Variants in NCKAP5 observed in about 807,000 individuals in gnomAD.
NCKAP5 encodes the protein NCK associated protein 5.
NCKAP5 carries 92 observed loss-of-function variants against 167.0 expected under a neutral mutation model. The observed-to-expected ratio is 0.55, with a 90% CI of 0.47 to 0.66. The LOEUF (loss-of-function observed/expected upper bound fraction) is 0.66. Among genes scored for constraint, NCKAP5 ranks in the 30% least tolerant of loss-of-function variants. The pLI is 0.00. For missense variants in NCKAP5, 2,378 were observed against 2,315.0 expected, an observed-to-expected ratio of 1.03 and a Z score of -0.56; for synonymous variants, 891 against 877.4, an observed-to-expected ratio of 1.02 and a Z score of -0.27.
intron 3 of NCKAP5, among the ~76,000 whole-genome samples, chr2:133,326,363 A>C (rs12619465): frequency 0.19 from 28,915 of 150,056 alleles, 2,839 homozygotes; most frequent in East Asian, 0.27. Flanking sequence ...CTGAGGCAGG[A>C]GAATCACATG....
chr2:133,275,592 A>G (rs1229376682), intron 4 of NCKAP5, among the ~76,000 whole-genome samples: 1 of 152,082 alleles, frequency 6.6e-6, no homozygotes. Context: ...ACAAACCAAA[A>G]TTTCTAAATT....
chr2:132,836,219 T>TA (rs1687875657), intron 11 of NCKAP5, among the ~76,000 whole-genome samples: 2 of 152,328 alleles, frequency 1.3e-5, no homozygotes, highest in African/African-American at 4.8e-5. Flanking sequence ...ACATGGTAAA[T>TA]ACAGACTAAG....
intron 2 of NCKAP5, among the ~76,000 whole-genome samples, chr2:133,529,183 C>A (rs1411386823): frequency 6.6e-6 from 1 of 151,836 alleles, no homozygotes; most frequent in Non-Finnish European, 1.5e-5. Context: ...CATTTATTTT[C>A]TTTGTAAAAG....
intron 5 of NCKAP5, among the ~76,000 whole-genome samples, chr2:133,156,486 T>C (rs899798498): frequency 1.3e-5 from 2 of 152,204 alleles, no homozygotes; most frequent in African/African-American, 4.8e-5. Context: ...AATTAAAATG[T>C]GTATGAAATC....
In NCKAP5 at chr2:132,673,213, A is replaced by AGT; in HGVS notation, c.*74_*75dup. ...TCTTCTCTTTTTCTAATAAAATCACAGTATTGCTGTTAAATTTATTGAATG... is the reference window on the plus strand; with the variant it reads ...TCTTCTCTTTTTCTAATAAAATCACAGTGTATTGCTGTTAAATTTATTGAATG... On this transcript the variant is annotated 3_prime_UTR_variant, in exon 20 of 20. Transcript: ENST00000409261. The AGT allele has an allele frequency of 6.9e-7, 1 of 1,442,872 alleles. No homozygotes were observed. The highest frequency in any genetic ancestry group is 9.1e-7 in the Non-Finnish European group (1 of 1,100,626). The allele number at this position is 1,442,872 out of a possible 1,614,324, so 89.4% of individuals were successfully genotyped here.
At chr2:133,326,486 A>G (rs1423567040) in intron 3 of NCKAP5, among the ~76,000 whole-genome samples, 2 of 151,808 alleles carry the variant, frequency 1.3e-5, no homozygotes, top group Admixed American at 6.6e-5. Context: ...AAAAAGAGAA[A>G]AAGAAAGACA....
intron 3 of NCKAP5, among the ~76,000 whole-genome samples, chr2:133,495,365 G>A (rs1429217772): frequency 2.6e-5 from 4 of 151,998 alleles, no homozygotes; most frequent in South Asian, 2.1e-4. Context: ...CACCCTACAC[G>A]CGATTCCAAA....
intron 7 of NCKAP5, among the ~76,000 whole-genome samples, chr2:132,975,561 TG>T (rs1294861679): frequency 2.6e-5 from 4 of 152,146 alleles, no homozygotes; most frequent in African/African-American, 7.2e-5. Flanking sequence ...AACTCTACTG[TG>T]GAATAGAATG....
At chr2:133,502,566 C>T (rs1682620167) in intron 3 of NCKAP5, among the ~76,000 whole-genome samples, 1 of 152,150 alleles carries the variant, frequency 6.6e-6, no homozygotes, top group Non-Finnish European at 1.5e-5. Context: ...TACCCTCTTT[C>T]CTCTGTATGC....
At position 133,447,007 on chromosome 2, in the gene NCKAP5, C is replaced by A. The variant is rs527764744; in HGVS notation, c.69+70451G>T. Among the ~76,000 whole-genome samples, 63 of 152,252 alleles carry A rather than the reference C, an allele frequency of 4.1e-4. No homozygotes were observed. In the South Asian group the frequency reaches 0.013, roughly 31 times the overall value. On this transcript the variant is annotated intron_variant, in intron 3 of 19. Transcript: ENST00000409261. Reference sequence around the variant, plus strand: ...CCCAGTAGTCTGAAATGAGGAAGATCGCTCAGGCAAGGAGCTAACCAAGAA... The same window carrying A: ...CCCAGTAGTCTGAAATGAGGAAGATAGCTCAGGCAAGGAGCTAACCAAGAA...
rs182293586 is a variant in NCKAP5, at chr2:132,998,309, C to A, written c.342-4070G>T. Among the ~76,000 whole-genome samples, 19 of 152,238 alleles carry A rather than the reference C, an allele frequency of 1.2e-4. No homozygotes were observed. In the East Asian group the frequency reaches 3.7e-3, roughly 29 times the overall value. Reference sequence around the variant, plus strand: ...TTCACCTTTCCCCCATTTTTCTTGGCTTTATACTTAAAAAATAGGAAAAAG... The same window carrying A: ...TTCACCTTTCCCCCATTTTTCTTGGATTTATACTTAAAAAATAGGAAAAAG... On this transcript the variant is annotated intron_variant, in intron 6 of 19. Transcript: ENST00000409261.
chr2:133,110,756 T>C (rs926772252), intron 6 of NCKAP5, among the ~76,000 whole-genome samples: 3 of 152,138 alleles, frequency 2.0e-5, no homozygotes, highest in Admixed American at 6.5e-5. Context: ...GCCCCCGTAT[T>C]CTCACACGCT....
chr2:133,293,731 G>A (rs1574624638), intron 4 of NCKAP5, among the ~76,000 whole-genome samples: 1 of 152,108 alleles, frequency 6.6e-6, no homozygotes, highest in Non-Finnish European at 1.5e-5. Context: ...CGAGAGCCCT[G>A]GTTTCATCTC....
At chr2:133,093,433 C>T (rs970330593) in intron 6 of NCKAP5, among the ~76,000 whole-genome samples, 7 of 152,198 alleles carry the variant, frequency 4.6e-5, no homozygotes, top group African/African-American at 9.7e-5. Flanking sequence ...TTACTATTCA[C>T]GAAGCTTGAC....
intron 4 of NCKAP5, among the ~76,000 whole-genome samples, chr2:133,229,032 A>G (rs1310677695): frequency 6.6e-6 from 1 of 152,228 alleles, no homozygotes; most frequent in Non-Finnish European, 1.5e-5. Flanking sequence ...AATCTGTAAA[A>G]TAATATCTAT....
At chr2:132,885,042 C>G (rs1692105673) in intron 8 of NCKAP5, among the ~76,000 whole-genome samples, 1 of 152,030 alleles carries the variant, frequency 6.6e-6, no homozygotes, top group Non-Finnish European at 1.5e-5. Context: ...TTACAGAGAC[C>G]AATTTAATTG....
the NCKAP5 span, among the ~76,000 whole-genome samples, chr2:133,663,016 C>T: frequency 1.3e-5 from 2 of 152,090 alleles, 1 homozygote; most frequent in South Asian, 4.2e-4. Flanking sequence ...CCTGTAATCC[C>T]AGCACTTTGG....
chr2:133,172,955 G>A (rs1386159144), intron 5 of NCKAP5, among the ~76,000 whole-genome samples: 1 of 152,132 alleles, frequency 6.6e-6, no homozygotes, highest in East Asian at 1.9e-4. Flanking sequence ...AAAGAGCTGG[G>A]ATTACAGGCG....
intron 3 of NCKAP5, among the ~76,000 whole-genome samples, chr2:133,455,127 A>G (rs1691767427): frequency 3.3e-5 from 5 of 152,108 alleles, no homozygotes; most frequent in Admixed American, 2.6e-4. Context: ...TTAAAGCAAT[A>G]CCAACAAGAA....
Sources: gnomAD v4.1 joint callset for allele counts (sites outside exome capture counted in the v4.1 genomes callset) on GRCh38, gnomAD v4.1.1 for gene constraint, MANE v1.5 for transcripts, NCBI Gene and HGNC (gene_info 2026-07-23, HGNC 2026-07-21) for gene names.